MTMR7: variants seen among roughly 807,000 people sequenced by gnomAD.
MTMR7 encodes the protein phosphatidylinositol-3-phosphate phosphatase MTMR7.
MTMR7 carries 76 observed loss-of-function variants against 81.2 expected under a neutral mutation model. The ratio of observed to expected loss-of-function variants is 0.94; its 90% CI spans 0.78 to 1.13. The LOEUF (loss-of-function observed/expected upper bound fraction) is 1.13. Among genes scored for constraint, MTMR7 ranks in the 50% most tolerant of loss-of-function variants. The probability of loss-of-function intolerance (pLI) is 0.00; values close to 1 mark genes in which losing one functional copy is unlikely to be tolerated. For synonymous variants in MTMR7, 372 were observed against 289.8 expected (o/e 1.28, Z -2.88); for missense variants, 1,044 against 820.0 (o/e 1.27, Z -3.34).
chr8:17,359,583 T>TA (rs1436524742), intron 4 of MTMR7, among the ~76,000 whole-genome samples: 1 of 10,182 alleles, frequency 9.8e-5, no homozygotes. Flanking sequence ...CCCTGTTTCC[T>TA]TAAAAAAAAA....
intron 1 of MTMR7, among the ~76,000 whole-genome samples, chr8:17,407,006 A>G (rs1427793345): frequency 1.3e-5 from 2 of 152,122 alleles, no homozygotes; most frequent in Non-Finnish European, 2.9e-5. Context: ...TTCTCTTTGG[A>G]GTAATGAAAA....
intron 7 of MTMR7, among the ~76,000 whole-genome samples, chr8:17,313,753 A>G (rs1349502851): frequency 6.6e-6 from 1 of 152,202 alleles, no homozygotes; most frequent in Non-Finnish European, 1.5e-5. Context: ...AAGGAATATG[A>G]ATTGGGAGTG....
chr8:17,393,533 A>G (rs1821162732), intron 1 of MTMR7, among the ~76,000 whole-genome samples: 1 of 152,226 alleles, frequency 6.6e-6, no homozygotes, highest in African/African-American at 2.4e-5. Context: ...TTAAAAAGAC[A>G]GATAACCCAA....
chr8:17,380,727 C>T (rs771694766), intron 1 of MTMR7, among the ~76,000 whole-genome samples: 5 of 152,144 alleles, frequency 3.3e-5, no homozygotes, highest in Non-Finnish European at 5.9e-5. Context: ...CTGTGGTGAG[C>T]ACTTGTAAAT....
At chr8:17,332,433 A>G (rs140535196) in intron 6 of MTMR7, among the ~76,000 whole-genome samples, 73 of 152,322 alleles carry the variant, frequency 4.8e-4, no homozygotes, top group African/African-American at 1.6e-3. Context: ...GGACAATGAC[A>G]GGATACACAA....
chr8:17,390,141 C>A (rs560716575), intron 1 of MTMR7, among the ~76,000 whole-genome samples: 1 of 151,758 alleles, frequency 6.6e-6, no homozygotes, highest in Admixed American at 6.6e-5. Context: ...AAATAACTGA[C>A]ACTGGGTAAT....
At chr8:17,369,976 C>G (rs530377888) in intron 3 of MTMR7, among the ~76,000 whole-genome samples, 2 of 152,126 alleles carry the variant, frequency 1.3e-5, no homozygotes, top group Non-Finnish European at 1.5e-5. Flanking sequence ...AACAACACCA[C>G]AACTCACACA....
At chr8:17,355,647 TG>T (rs1447727637) in intron 4 of MTMR7, among the ~76,000 whole-genome samples, 1 of 151,784 alleles carries the variant, frequency 6.6e-6, no homozygotes, top group Non-Finnish European at 1.5e-5. Context: ...TGAAGAAACT[TG>T]GAACAGTGTA....
Position 17,405,098 on chromosome 8 carries a change from C to T in MTMR7, c.24+8171G>A, listed in dbSNP as rs188549330. ...AACTTCTGACCTCAAACGATCCGTC[C>T]GCCTTGGCCTCCCAAAGTGTTGGGA... is the stretch of plus-strand genomic sequence containing the variant. On this transcript the variant is annotated intron_variant, in intron 1 of 13. Coordinates refer to ENST00000180173, the MANE Select transcript of MTMR7 (RefSeq NM_004686.5). Among the ~76,000 whole-genome samples, 325 of 152,346 alleles carry T rather than the reference C, an allele frequency of 2.1e-3. 4 individuals are homozygous for T. Among genetic ancestry groups the T allele is most frequent in the African/African-American group, 7.2e-3 (298 of 41,586 alleles).
At chr8:17,370,619 C>T (rs532767009) in intron 3 of MTMR7, among the ~76,000 whole-genome samples, 122 of 147,890 alleles carry the variant, frequency 8.2e-4, no homozygotes, top group African/African-American at 2.9e-3. Flanking sequence ...GAGACCAAAC[C>T]TTAAAAGCAT....
chr8:17,323,854 AC>A (rs1257192578), intron 7 of MTMR7, among the ~76,000 whole-genome samples: 1 of 152,132 alleles, frequency 6.6e-6, no homozygotes, highest in Non-Finnish European at 1.5e-5. Context: ...TTCTACAAGC[AC>A]TCATTTTGAA....
chr8:17,341,280 A>G, intron 6 of MTMR7, 83 bp downstream of exon 6: 2 of 1,562,154 alleles, frequency 1.3e-6, no homozygotes, highest in East Asian at 2.3e-5. Context: ...AACCTGCACA[A>G]GAGATGGCAG....
At chr8:17,328,097 A>G (rs559106333) in intron 7 of MTMR7, among the ~76,000 whole-genome samples, 1 of 152,362 alleles carries the variant, frequency 6.6e-6, no homozygotes, top group Non-Finnish European at 1.5e-5. Context: ...GTAGGCAGGC[A>G]CAAAGCTACT....
intron 13 of MTMR7, chr8:17,301,908 C>T: frequency 2.3e-6 from 1 of 439,708 alleles, no homozygotes; most frequent in African/African-American, 2.0e-5. Context: ...ACAAGTTGAC[C>T]TAAAATAAGG....
At position 17,353,796 on chromosome 8, in the gene MTMR7, C is replaced by G. The variant is rs557791793; in HGVS notation, c.469-4715G>C. Among the ~76,000 whole-genome samples the G allele has an allele frequency of 2.0e-4, 30 of 152,252 alleles. No homozygotes were observed. The East Asian group carries it at 3.3e-3, about 17-fold the overall frequency. ...AAGGAAACCGATTTTCTTTGTGCTC[C>G]ACTAAATTAATTGACCTTCCTGGAG... On this transcript the variant is annotated intron_variant, in intron 4 of 13. Coordinates refer to ENST00000180173, the MANE Select transcript of MTMR7 (RefSeq NM_004686.5).
chr8:17,379,329 A>G (rs1478709974), intron 1 of MTMR7, among the ~76,000 whole-genome samples: 1 of 152,124 alleles, frequency 6.6e-6, no homozygotes, highest in Non-Finnish European at 1.5e-5. Flanking sequence ...GCAGAAGCAG[A>G]TAGTCTGACC....
intron 5 of MTMR7, 72 bp from the exon 6 acceptor site, chr8:17,341,569 T>C: frequency 1.3e-6 from 2 of 1,543,410 alleles, no homozygotes; most frequent in Non-Finnish European, 1.8e-6. Flanking sequence ...TACGTGTGTC[T>C]CCAGAACAAA....
intron 1 of MTMR7, among the ~76,000 whole-genome samples, chr8:17,400,196 C>G (rs1296630029): frequency 6.6e-6 from 1 of 152,116 alleles, no homozygotes; most frequent in Admixed American, 6.6e-5. Flanking sequence ...ACCGATAGTA[C>G]TGATAAAAGA....
At chr8:17,371,964 C>T (rs1820436395) in intron 2 of MTMR7, among the ~76,000 whole-genome samples, 1 of 150,266 alleles carries the variant, frequency 6.7e-6, no homozygotes, top group Non-Finnish European at 1.5e-5. Flanking sequence ...AATAGATTTC[C>T]AGACTTTTCC....
Sources: gnomAD v4.1 joint callset for allele counts (sites outside exome capture counted in the v4.1 genomes callset) on GRCh38, gnomAD v4.1.1 for gene constraint, MANE v1.5 for transcripts, NCBI Gene and HGNC (gene_info 2026-07-23, HGNC 2026-07-21) for gene names.